The following PPP4R3B variants were observed in gnomAD, a reference collection of about 807,000 sequenced individuals.
The protein encoded by PPP4R3B is serine/threonine-protein phosphatase 4 regulatory subunit 3B.
Under a neutral mutation model 95.4 loss-of-function variants are expected in PPP4R3B, and 52 were observed. The ratio of observed to expected loss-of-function variants is 0.54; its 90% CI spans 0.44 to 0.69. The LOEUF is 0.69. PPP4R3B is among the 30% of genes least tolerant of loss of function. PPP4R3B has a pLI of 0.00. For synonymous variants in PPP4R3B, 407 were observed against 343.9 expected (o/e 1.18, Z -2.03); for missense variants, 1,003 against 1,005.9 (o/e 1.00, Z 0.04).
chr2:55,553,356 T>G (rs1558932236), intron 16 of PPP4R3B, among the ~76,000 whole-genome samples: 1 of 152,116 alleles, frequency 6.6e-6, no homozygotes, highest in Non-Finnish European at 1.5e-5. Context: ...TTAGATGGCT[T>G]CACAGGAGTA....
intron 16 of PPP4R3B, among the ~76,000 whole-genome samples, chr2:55,551,118 G>A (rs891365199): frequency 1.3e-5 from 2 of 152,196 alleles, no homozygotes; most frequent in South Asian, 2.1e-4. Flanking sequence ...TTGGGAGATC[G>A]AGGCGGATGG....
chr2:55,579,373 A>C (rs149773148), intron 9 of PPP4R3B, among the ~76,000 whole-genome samples: 26 of 148,688 alleles, frequency 1.7e-4, no homozygotes, highest in African/African-American at 6.0e-4. Flanking sequence ...CTACATATCA[A>C]TTCCTTAGTG....
chr2:55,554,450 A>G (rs1377639460), intron 16 of PPP4R3B, among the ~76,000 whole-genome samples: 1 of 152,240 alleles, frequency 6.6e-6, no homozygotes, highest in Non-Finnish European at 1.5e-5. Context: ...TAGCTATCCT[A>G]GAGGATGTGA....
rs1248679867 is a variant in PPP4R3B, at chr2:55,549,291, T to C, written c.*620A>G. ...TGAATTGAGCTTGTTTTCATCAATA[T>C]ACATATTGAAAATTCCTGGTGTAGA... On this transcript the variant is annotated 3_prime_UTR_variant, in exon 17 of 17. Coordinates refer to ENST00000616407, the MANE Select transcript of PPP4R3B (RefSeq NM_001122964.3). 2 of 152,892 alleles carry C rather than the reference T, an allele frequency of 1.3e-5. No individual in the cohort carries two copies. The highest frequency in any genetic ancestry group is 2.9e-5 in the Non-Finnish European group (2 of 68,220). The allele number at this position is 152,892 out of a possible 1,614,324, so 9.5% of individuals were successfully genotyped here.
chr2:55,606,771 G>A (rs553009938), intron 2 of PPP4R3B, among the ~76,000 whole-genome samples: 4 of 148,442 alleles, frequency 2.7e-5, no homozygotes, highest in Non-Finnish European at 3.0e-5. Flanking sequence ...TTCAGTGAGC[G>A]AGATTGCATC....
chr2:55,595,195 T>G (rs1364794779), intron 4 of PPP4R3B, among the ~76,000 whole-genome samples: 1 of 152,012 alleles, frequency 6.6e-6, no homozygotes, highest in African/African-American at 2.4e-5. Context: ...GGCTAATTTT[T>G]GTATTTTTAG....
At chr2:55,587,584 G>GA (rs1690326355) in intron 5 of PPP4R3B, among the ~76,000 whole-genome samples, 2 of 152,090 alleles carry the variant, frequency 1.3e-5, no homozygotes, top group African/African-American at 4.8e-5. Context: ...ACTCTTTTTC[G>GA]AAAAGAAAAA....
At chr2:55,550,079 C>A in intron 16 of PPP4R3B, 73 bp from the exon 17 acceptor site, 1 of 927,468 alleles carries the variant, frequency 1.1e-6, no homozygotes, top group Non-Finnish European at 1.7e-6. Flanking sequence ...AATACAATCA[C>A]TTGTAAAAAT....
chr2:55,558,357 A>G lies in PPP4R3B; in HGVS notation c.2454+418T>C, dbSNP rs1205004180. Among the ~76,000 whole-genome samples the G allele has an allele frequency of 1.0e-4, 15 of 143,592 alleles. 1 individual carries two copies. The highest frequency in any genetic ancestry group is 4.2e-4 in the Admixed American group (6 of 14,216). The allele number at this position is 143,592 out of a possible 152,430, so 94.2% of individuals were successfully genotyped here. A position where few individuals can be genotyped will look rare whatever the true frequency, so the allele number is the denominator to read the frequency against. The stretch of plus-strand genomic sequence containing the variant: ...TATTATCATAAGCCTAAATAAAATG[A>G]AATTCTCTTTGAGAGGCCGAGGTGG... On this transcript the variant is annotated intron_variant, in intron 16 of 16. Coordinates refer to ENST00000616407, the MANE Select transcript of PPP4R3B (RefSeq NM_001122964.3).
At chr2:55,605,898 C>A (rs1227117672) in intron 2 of PPP4R3B, among the ~76,000 whole-genome samples, 1 of 137,796 alleles carries the variant, frequency 7.3e-6, no homozygotes, top group Non-Finnish European at 1.5e-5. Context: ...GTGCGAGACT[C>A]CGTCTCAAAA....
chr2:55,586,716 A>G lies in PPP4R3B; in HGVS notation c.1018T>C (p.Phe340Leu), dbSNP rs780048499. 3 of 1,597,920 alleles carry G rather than the reference A, an allele frequency of 1.9e-6. No homozygotes were observed. The highest frequency in any genetic ancestry group is 1.1e-5 in the South Asian group (1 of 87,040). Residue 340 changes from phenylalanine (F) to leucine (L), a missense_variant, in exon 6 of 17, where the codon TTT becomes CTT. Phe to Leu is a conservative substitution (Grantham distance 22). Around this residue, in one of 3 missense-constraint regions of PPP4R3B, gnomAD observed 695 missense variants for 686.2 expected, o/e 1.01. Coordinates refer to ENST00000616407, the MANE Select transcript of PPP4R3B (RefSeq NM_001122964.3). ...RRELVNFFKE[F>L]CAFSQTLQPQ... ...TGTAATGTCTGAGAAAATGCACAAA[A>G]CTCCTTGAAAAAATTAACCTGTAAT...
At position 55,604,043 on chromosome 2, in the gene PPP4R3B, A is replaced by C. The variant is rs1268694570; in HGVS notation, c.232T>G (p.Tyr78Asp). The part of the protein sequence containing the change: ...TLIVWSEAEN[Y>D]DLALSFQEKA... ...TCCTGAAAACTCAGAGCCAAATCAT[A>C]GTTCTCTGCTTCTGACCAAACAATT... Residue 78 changes from tyrosine (Y) to aspartate (D), a missense_variant, in exon 3 of 17, where the codon TAT becomes GAT. Coordinates refer to ENST00000616407, the MANE Select transcript of PPP4R3B (RefSeq NM_001122964.3). 1 of 1,609,664 alleles carries C rather than the reference A, an allele frequency of 6.2e-7. No homozygotes were observed. The highest frequency in any genetic ancestry group is 1.7e-5 in the Admixed American group (1 of 59,474).
Position 55,573,708 on chromosome 2 carries a change from G to C in PPP4R3B, c.1676C>G (p.Thr559Arg). 1 of 1,546,424 alleles carries C rather than the reference G, an allele frequency of 6.5e-7. No individual in the cohort carries two copies. The highest frequency in any genetic ancestry group is 8.7e-7 in the Non-Finnish European group (1 of 1,145,336). ...CATAATATAGTTTTTTATGTGATAT[G>C]TGTGATGTTCCACACAAAATGTGAG... ...ELLTFCVEHH[T>R]YHIKNYIMNK... is the part of the protein sequence containing the mutation. Residue 559 changes from threonine to arginine, a missense_variant, in exon 12 of 17, where the codon ACA (threonine) becomes AGA (arginine). Physicochemically the swap from Thr to Arg is moderately conservative, Grantham distance 71. Around this residue, in one of 3 missense-constraint regions of PPP4R3B, gnomAD observed 695 missense variants for 686.2 expected, o/e 1.01. Transcript: ENST00000616407.
intron 16 of PPP4R3B, among the ~76,000 whole-genome samples, chr2:55,554,097 T>C (rs1472271276): frequency 1.3e-5 from 2 of 152,236 alleles, no homozygotes; most frequent in Admixed American, 6.5e-5. Context: ...TTTTGAGACA[T>C]TGTCTTAGAG....
intron 4 of PPP4R3B, among the ~76,000 whole-genome samples, chr2:55,594,991 A>G (rs1490996583): frequency 2.0e-5 from 3 of 151,856 alleles, no homozygotes; most frequent in East Asian, 3.9e-4. Flanking sequence ...AGTCAGAGAT[A>G]GAATCTCAAT....
chr2:55,563,474 G>C (rs1259850193), intron 15 of PPP4R3B, among the ~76,000 whole-genome samples: 1 of 152,102 alleles, frequency 6.6e-6, no homozygotes, highest in Non-Finnish European at 1.5e-5. Context: ...CTGGGCTCAA[G>C]TGATCCTCCA....
intron 3 of PPP4R3B, among the ~76,000 whole-genome samples, chr2:55,599,877 C>T (rs1176369351): frequency 1.3e-5 from 2 of 152,168 alleles, no homozygotes; most frequent in Non-Finnish European, 2.9e-5. Flanking sequence ...AACATTTCTC[C>T]ATCTCACAAC....
chr2:55,591,576 C>T, intron 4 of PPP4R3B: 1 of 983,794 alleles, frequency 1.0e-6, no homozygotes, highest in Non-Finnish European at 1.2e-6. Flanking sequence ...CCTTTACTAC[C>T]TGAAAATTTA....
At chr2:55,587,391 C>T (rs1396984798) in intron 5 of PPP4R3B, among the ~76,000 whole-genome samples, 1 of 152,152 alleles carries the variant, frequency 6.6e-6, no homozygotes, top group Non-Finnish European at 1.5e-5. Context: ...TGAGACCAGC[C>T]TGCCCAACAG....
Sources: gnomAD v4.1 joint callset for allele counts (sites outside exome capture counted in the v4.1 genomes callset) on GRCh38, gnomAD v4.1.1 for gene constraint, gnomAD v4.1.1 regional missense constraint, MANE v1.5 for transcripts, NCBI Gene and HGNC (gene_info 2026-07-23, HGNC 2026-07-21) for gene names.